FMN1: variants seen among roughly 807,000 people sequenced by gnomAD.
FMN1 encodes the protein formin 1, also known as formin-1.
FMN1 carries 110 observed loss-of-function variants against 132.4 expected under a neutral mutation model. The observed-to-expected ratio is 0.83, with a 90% CI of 0.71 to 0.97. The LOEUF (loss-of-function observed/expected upper bound fraction) is 0.97. Ranked by LOEUF, FMN1 falls within the 50% of genes least tolerant of loss-of-function variation. The probability of loss-of-function intolerance (pLI) is 0.00; values close to 1 mark genes in which losing one functional copy is unlikely to be tolerated. For synonymous variants in FMN1, 722 were observed against 651.7 expected (o/e 1.11, Z -1.64); for missense variants, 1,792 against 1,705.3 (o/e 1.05, Z -0.90).
chr15:33,177,902 G>A (rs913572100), intron 3 of FMN1, among the ~76,000 whole-genome samples: 2 of 152,108 alleles, frequency 1.3e-5, no homozygotes, highest in Admixed American at 1.3e-4. Context: ...CAGCTACTTG[G>A]GAGGCTGAGG....
chr15:33,052,598 G>T (rs952010528), intron 6 of FMN1, among the ~76,000 whole-genome samples: 2 of 152,120 alleles, frequency 1.3e-5, no homozygotes, highest in African/African-American at 2.4e-5. Flanking sequence ...TCAGACTCCA[G>T]GTTTACAGGC....
At chr15:32,931,441 A>C (rs931159199) in intron 9 of FMN1, among the ~76,000 whole-genome samples, 1 of 151,972 alleles carries the variant, frequency 6.6e-6, no homozygotes, top group Non-Finnish European at 1.5e-5. Flanking sequence ...TAAGTATTTC[A>C]TTTTTTTGGA....
chr15:32,999,606 C>T (rs138038498), intron 7 of FMN1, among the ~76,000 whole-genome samples: 177 of 152,328 alleles, frequency 1.2e-3, no homozygotes, highest in East Asian at 9.9e-3. Context: ...CAGAGGCCAT[C>T]GCTCAGTGAA....
intron 9 of FMN1, among the ~76,000 whole-genome samples, chr15:32,960,911 C>G (rs2030440331): frequency 7.2e-6 from 1 of 139,810 alleles, no homozygotes; most frequent in East Asian, 2.4e-4. Flanking sequence ...AGGAGAATTG[C>G]TTGAACCCCA....
chr15:33,087,286 C>T (rs997194933), intron 5 of FMN1, among the ~76,000 whole-genome samples: 12 of 152,222 alleles, frequency 7.9e-5, no homozygotes, highest in Admixed American at 2.0e-4. Context: ...GTGGCTCACG[C>T]CTGTAATCCA....
At chr15:33,085,524 TCA>T (rs2038654239) in intron 5 of FMN1, among the ~76,000 whole-genome samples, 2 of 150,080 alleles carry the variant, frequency 1.3e-5, no homozygotes, top group Admixed American at 6.7e-5. Flanking sequence ...AATATATATA[TCA>T]CATGTATTTA....
Position 33,079,328 on chromosome 15 carries a change from A to G in FMN1, c.2043+9471T>C, listed in dbSNP as rs116516339. Among the ~76,000 whole-genome samples the G allele has an allele frequency of 5.1e-3, 773 of 152,384 alleles. 6 individuals carry two copies. Among genetic ancestry groups the G allele is most frequent in the African/African-American group, 0.018 (732 of 41,600 alleles). ...AAGCTTTTTATTCTTTTTATTTTAT[A>G]AAGAAAGCTGAGGCTGGGCACAGTG... On this transcript the variant is annotated intron_variant, in intron 5 of 20. Transcript: ENST00000616417.
intron 13 of FMN1, among the ~76,000 whole-genome samples, chr15:32,900,598 G>A (rs1045222079): frequency 3.3e-5 from 5 of 152,126 alleles, no homozygotes; most frequent in African/African-American, 4.8e-5. Context: ...CTTTATCCCC[G>A]GATATAATTT....
At chr15:33,150,044 A>T in intron 4 of FMN1, 1 of 985,478 alleles carries the variant, frequency 1.0e-6, no homozygotes, top group Non-Finnish European at 1.2e-6. Flanking sequence ...TGCCTGGAGC[A>T]TATGCTTCCA....
In FMN1 at chr15:32,918,566, T is replaced by C. The variant is rs2060741069; in HGVS notation, c.3226+7608A>G. 2.0e-5 allele frequency among the ~76,000 whole-genome samples: 3 copies of C among 152,218 alleles called. No homozygotes were observed. In the South Asian group the frequency reaches 6.2e-4, roughly 31 times the overall value. ...GTCTCCTAAGTCCAGGCATGTACTA[T>C]GCCTCAAGTTGCCCAAGGTCTCCTT... On this transcript the variant is annotated intron_variant, in intron 10 of 20. Coordinates refer to ENST00000616417, the MANE Select transcript of FMN1 (RefSeq NM_001277313.2).
chr15:33,076,374 C>A (rs2038209007), intron 5 of FMN1, among the ~76,000 whole-genome samples: 1 of 152,062 alleles, frequency 6.6e-6, no homozygotes. Context: ...AAGCGAGGCA[C>A]TTCATGGCTA....
Position 32,859,664 on chromosome 15 carries a change from G to C in FMN1, c.3836-2557C>G, listed in dbSNP as rs568558530. On this transcript the variant is annotated intron_variant, in intron 16 of 20. Coordinates refer to ENST00000616417, the MANE Select transcript of FMN1 (RefSeq NM_001277313.2). The stretch of plus-strand genomic sequence containing the variant: ...TGTAAAAGTCCATACATTAATCCCT[G>C]AGAAGTCATCATGCAGGATTCATTT... Among the ~76,000 whole-genome samples the C allele has an allele frequency of 8.8e-4, 134 of 152,276 alleles. No individual in the cohort carries two copies. In the South Asian group the frequency reaches 0.027, roughly 30 times the overall value.
chr15:32,946,918 T>G (rs1318836105), intron 9 of FMN1, among the ~76,000 whole-genome samples: 8 of 152,324 alleles, frequency 5.3e-5, no homozygotes, highest in African/African-American at 1.9e-4. Flanking sequence ...TATTACTGAT[T>G]GGTAAGAATT....
chr15:33,164,615 A>G (rs1267721817), intron 3 of FMN1, among the ~76,000 whole-genome samples: 1 of 152,188 alleles, frequency 6.6e-6, no homozygotes, highest in East Asian at 1.9e-4. Context: ...TTACCTTTTC[A>G]AAGCTTAATT....
rs1173378283 is a variant in FMN1, at chr15:32,853,238, T to C, written c.3928+3777A>G. Among the ~76,000 whole-genome samples the C allele has an allele frequency of 2.6e-5, 4 of 152,362 alleles. No individual in the cohort carries two copies. In the East Asian group the frequency reaches 7.7e-4, roughly 29 times the overall value. On this transcript the variant is annotated intron_variant, in intron 17 of 20. Transcript: ENST00000616417. ...CTCTAAACAAAAATATCTTCTTTGC[T>C]GAAAGTCTTACCTAAAAGTGTTGGG...
At chr15:32,967,063 T>C (rs868490015) in intron 8 of FMN1, among the ~76,000 whole-genome samples, 1 of 152,258 alleles carries the variant, frequency 6.6e-6, no homozygotes, top group South Asian at 2.1e-4. Flanking sequence ...CAAGCAGGGC[T>C]CTCTTGATGT....
At chr15:32,960,047 T>C (rs1423416416) in intron 9 of FMN1, among the ~76,000 whole-genome samples, 2 of 152,224 alleles carry the variant, frequency 1.3e-5, no homozygotes, top group Non-Finnish European at 2.9e-5. Context: ...TCTGCTTCTA[T>C]AGATGGCATT....
At chr15:33,107,047 T>A (rs345775) in intron 4 of FMN1, among the ~76,000 whole-genome samples, 37,030 of 151,878 alleles carry the variant, frequency 0.24, 5,023 homozygotes, top group East Asian at 0.61. Context: ...TCCAAACTCT[T>A]TATTTTCCTT....
chr15:32,986,456 A>T (rs2033075777), intron 7 of FMN1, among the ~76,000 whole-genome samples: 2 of 152,158 alleles, frequency 1.3e-5, no homozygotes, highest in Non-Finnish European at 2.9e-5. Context: ...TTGAATTCAC[A>T]AAGATCTGAT....
Sources: allele counts gnomAD v4.1 joint callset (sites outside exome capture counted in the v4.1 genomes callset), GRCh38; gene constraint gnomAD v4.1.1; transcripts MANE v1.5; gene names NCBI Gene and HGNC (gene_info 2026-07-23, HGNC 2026-07-21).